The following RNF135 variants were observed in gnomAD, a reference collection of about 807,000 sequenced individuals.
The protein encoded by RNF135 is E3 ubiquitin-protein ligase RNF135.
Under a neutral mutation model 41.9 loss-of-function variants are expected in RNF135, and 46 were observed. The ratio of observed to expected loss-of-function variants is 1.10; its 90% confidence interval spans 0.87 to 1.40. The LOEUF (loss-of-function observed/expected upper bound fraction) is 1.40, where lower values mean the gene tolerates loss of function less well. Among genes scored for constraint, RNF135 ranks in the 40% most tolerant of loss-of-function variants. RNF135 has a pLI of 0.00. For missense variants in RNF135, 539 were observed against 549.8 expected (o/e 0.98, Z 0.20); for synonymous variants, 238 against 223.8 (o/e 1.06, Z -0.57).
At chr17:30,971,769 A>G (rs1905976805) in intron 1 of RNF135, 3 of 1,140,806 alleles carry the variant, frequency 2.6e-6, no homozygotes, top group Middle Eastern at 3.5e-4. Flanking sequence ...TAACATTAAA[A>G]CTGGCCATTT....
At chr17:30,970,807 G>A (rs991627630), upstream of RNF135, 16 of 545,882 alleles carry the variant, frequency 2.9e-5, no homozygotes, top group Non-Finnish European at 5.2e-5. Flanking sequence ...GGAGACCTCC[G>A]CGGGTTTCTA....
At position 30,988,024 on chromosome 17, in the gene RNF135, T is replaced by G. The variant is rs748316013; in HGVS notation, c.597T>G (p.Asp199Glu). Residue 199 changes from aspartate (D) to glutamate (E), a missense_variant, in exon 3 of 5, where the codon GAT (aspartate) becomes GAG (glutamate). By Grantham distance (45) the Asp-to-Glu change is conservative (BLOSUM62 2). Transcript: ENST00000328381. ...TSDTAAGKIR[D>E]ILHDLEEIQE... ...ACACAGCTGCAGGGAAAATCAGAGA[T>G]ATTCTCCATGACCTAGAAGAAATTC... is the stretch of plus-strand genomic sequence containing the variant. 47 of 1,614,078 alleles carry G rather than the reference T, an allele frequency of 2.9e-5. No homozygotes were observed. The highest frequency in any genetic ancestry group is 3.7e-5 in the Non-Finnish European group (44 of 1,179,938).
chr17:30,997,246 A>T lies in RNF135; in HGVS notation c.684A>T (p.Glu228Asp). 1 of 1,613,158 alleles carries T rather than the reference A, an allele frequency of 6.2e-7. No homozygotes were observed. Among genetic ancestry groups the T allele is most frequent in the Non-Finnish European group, 8.5e-7 (1 of 1,179,492 alleles). The change falls in exon 4 of 5, where the codon GAA becomes GAT. Residue 228 changes from glutamate to aspartate, a missense_variant. Physicochemically the swap from Glu to Asp is conservative, Grantham distance 45 (BLOSUM62 2). Coordinates refer to ENST00000328381, the MANE Select transcript of RNF135 (RefSeq NM_032322.4). ...KEAPEAQMQG[E>D]LLEAPSSSSC... ...GTTAATTTTTTTGTTACTTAGGAGA[A>T]CTCCTGGAAGCCCCGTCTTCCTCCT...
intron 1 of RNF135, among the ~76,000 whole-genome samples, chr17:30,974,590 A>AT (rs200291202): frequency 0.017 from 2,447 of 144,094 alleles, 28 homozygotes; most frequent in African/African-American, 0.043. Context: ...TCCTTCAGTG[A>AT]TTTTTTTTTT....
chr17:30,978,109 T>C (rs1257008490), intron 1 of RNF135, among the ~76,000 whole-genome samples: 1 of 152,248 alleles, frequency 6.6e-6, no homozygotes, highest in East Asian at 1.9e-4. Context: ...CCAGATGTAT[T>C]GGAACTCCCT....
chr17:30,993,733 G>A, intron 3 of RNF135: 1 of 919,578 alleles, frequency 1.1e-6, no homozygotes, highest in Non-Finnish European at 1.6e-6. Flanking sequence ...AACTTCAGTA[G>A]GTTTTGCAAA....
At chr17:30,973,541 C>T (rs901276497) in intron 1 of RNF135, among the ~76,000 whole-genome samples, 1 of 151,706 alleles carries the variant, frequency 6.6e-6, no homozygotes, top group African/African-American at 2.4e-5. Context: ...GATCTCAGCT[C>T]ACTGCAGCCT....
At position 30,998,838 on chromosome 17, in the gene RNF135, G is replaced by T; in HGVS notation, c.946G>T (p.Glu316Ter). 3 of 1,613,310 alleles carry T rather than the reference G, an allele frequency of 1.9e-6. No homozygotes were observed. Among genetic ancestry groups the T allele is most frequent in the Non-Finnish European group, 2.5e-6 (3 of 1,179,636 alleles). Residue 316 changes from glutamate to a stop codon, truncating the protein, a stop_gained, in exon 5 of 5, where the codon GAA (glutamate) becomes TAA (stop). Coordinates refer to ENST00000328381, the MANE Select transcript of RNF135 (RefSeq NM_032322.4). LOFTEE classifies it high-confidence loss of function. ...QALSSGKHYW[E>*]VDTRNCSHWA... is the part of the protein sequence containing the mutation. Reference sequence around the variant, plus strand: ...CCTGTCTTCTGGAAAGCATTACTGGGAAGTGGACACTAGGAATTGCAGCCA... The same window carrying T: ...CCTGTCTTCTGGAAAGCATTACTGGTAAGTGGACACTAGGAATTGCAGCCA...
chr17:30,999,293 C>A lies in RNF135; in HGVS notation c.*102C>A. ...AGAATACCACTTTTTAGAAAAATTA[C>A]GATAGAGATGGGATCTCACTAGGTT... On this transcript the variant is annotated 3_prime_UTR_variant, in exon 5 of 5. Transcript: ENST00000328381. The A allele has an allele frequency of 7.7e-7, 1 of 1,303,886 alleles. No individual in the cohort carries two copies. Among genetic ancestry groups the A allele is most frequent in the Non-Finnish European group, 1.1e-6 (1 of 928,670 alleles). 80.8% of individuals were successfully genotyped at this position (1,303,886 alleles called of 1,614,324 possible).
In RNF135 at chr17:30,984,678, T is replaced by C. The variant is rs1384615256; in HGVS notation, c.434T>C (p.Leu145Pro). The change falls in exon 2 of 5, where the codon CTT (leucine) becomes CCT (proline). Residue 145 changes from leucine (L) to proline (P), a missense_variant. Leu to Pro is a moderately conservative substitution (Grantham distance 98). Transcript: ENST00000328381. Reference protein sequence around the residue: ...AQELTELVEHLVDIVRSLQNQ... With the variant: ...AQELTELVEHPVDIVRSLQNQ... ...GAGCTGACAGAGCTGGTGGAACATCTTGTAGACATTGTCAGAAGCCTGCAG... is the reference window on the plus strand; with the variant it reads ...GAGCTGACAGAGCTGGTGGAACATCCTGTAGACATTGTCAGAAGCCTGCAG... 6.2e-7 allele frequency: 1 copy of C among 1,614,154 alleles called. No homozygotes were observed. The highest frequency in any genetic ancestry group is 1.7e-5 in the Admixed American group (1 of 60,006).
At chr17:30,993,556 C>T (rs958889691) in intron 3 of RNF135, among the ~76,000 whole-genome samples, 3 of 152,054 alleles carry the variant, frequency 2.0e-5, no homozygotes, top group Non-Finnish European at 4.4e-5. Flanking sequence ...AGACATATCT[C>T]ATAGCATTTT....
intron 1 of RNF135, chr17:30,979,022 C>T (rs1226848015): frequency 5.3e-4 from 92 of 173,508 alleles, no homozygotes; most frequent in Admixed American, 3.6e-3. Context: ...CACACAGACC[C>T]GGCAACCATC....
At chr17:30,979,656 G>T (rs747879260) in intron 1 of RNF135, among the ~76,000 whole-genome samples, 426 of 117,260 alleles carry the variant, frequency 3.6e-3, no homozygotes, top group Middle Eastern at 0.024. Flanking sequence ...TGGCCAGGCG[G>T]GGGGCTGATC....
chr17:30,983,353 ATT>A (rs1192298651), intron 1 of RNF135, among the ~76,000 whole-genome samples: 359 of 35,646 alleles, frequency 0.01, 3 homozygotes, highest in East Asian at 0.021. Context: ...ATATATATAT[ATT>A]TTTTTTTTTT....
In RNF135 at chr17:30,997,332, G is replaced by GT. The variant is rs748835420; in HGVS notation, c.769+2dup. On this transcript the variant is annotated splice_donor_variant, in intron 4 of 4. Transcript: ENST00000328381. LOFTEE classifies it high-confidence loss of function. ...AGGAGAGCTTCTCGGTTTGCTCAGT[G>GT]TAAGTATGTGGTCCACTTTAAACAT... 5.0e-6 allele frequency: 8 copies of GT among 1,613,346 alleles called. No homozygotes were observed. Among genetic ancestry groups the GT allele is most frequent in the Admixed American group, 1.7e-5 (1 of 59,992 alleles).
At chr17:30,989,117 C>T (rs545419188) in intron 3 of RNF135, among the ~76,000 whole-genome samples, 1 of 149,576 alleles carries the variant, frequency 6.7e-6, no homozygotes, top group African/African-American at 2.4e-5. Context: ...CGCCTGTAAT[C>T]CCAGTGCTTT....
chr17:30,972,571 C>T (rs1242436392), intron 1 of RNF135: 1 of 152,252 alleles, frequency 6.6e-6, no homozygotes, highest in Non-Finnish European at 1.5e-5. Context: ...CTAGCCCCTG[C>T]TCACATCTAA....
chr17:30,979,777 C>T (rs1375860117), intron 1 of RNF135, among the ~76,000 whole-genome samples: 36 of 133,294 alleles, frequency 2.7e-4, no homozygotes, highest in African/African-American at 1.0e-3. Context: ...CCCCTCCCCC[C>T]TCCCGGACGG....
chr17:30,969,732 T>C (rs975629347), upstream of RNF135, among the ~76,000 whole-genome samples: 1 of 151,742 alleles, frequency 6.6e-6, no homozygotes, highest in African/African-American at 2.4e-5. Context: ...CAAACGCTTT[T>C]TTTTCTTTCT....
Sources: gnomAD v4.1 joint callset for allele counts (sites outside exome capture counted in the v4.1 genomes callset) on GRCh38, gnomAD v4.1.1 for gene constraint, MANE v1.5 for transcripts, NCBI Gene and HGNC (gene_info 2026-07-23, HGNC 2026-07-21) for gene names.